CDH13: variants seen among roughly 807,000 people sequenced by gnomAD.
CDH13 encodes the protein cadherin 13, also known as cadherin-13.
A neutral mutation model predicts 63.8 loss-of-function variants in CDH13; 24 were observed. The ratio of observed to expected loss-of-function variants is 0.38; its 90% CI spans 0.27 to 0.53. The LOEUF (loss-of-function observed/expected upper bound fraction) is 0.53. Among genes scored for constraint, CDH13 ranks in the 20% least tolerant of loss-of-function variants. The pLI is 0.85. For synonymous variants in CDH13, 503 were observed against 355.3 expected (o/e 1.42, Z -4.67); for missense variants, 1,049 against 903.1 (o/e 1.16, Z -2.07).
intron 1 of CDH13, among the ~76,000 whole-genome samples, chr16:82,841,450 C>T (rs1295852429): frequency 1.3e-5 from 2 of 152,186 alleles, no homozygotes; most frequent in Non-Finnish European, 2.9e-5. Context: ...TGTAGTTTAG[C>T]AAAGCAGCAG....
chr16:83,183,559 A>C (rs1567486107), intron 4 of CDH13, among the ~76,000 whole-genome samples: 1 of 152,226 alleles, frequency 6.6e-6, no homozygotes, highest in African/African-American at 2.4e-5. Flanking sequence ...ATTTTTCTTC[A>C]CACATTTTTA....
intron 10 of CDH13, among the ~76,000 whole-genome samples, chr16:83,681,543 C>G (rs1348347892): frequency 6.6e-6 from 1 of 152,178 alleles, no homozygotes; most frequent in Non-Finnish European, 1.5e-5. Flanking sequence ...TGGACACCCC[C>G]TTTCCCCTCC....
intron 1 of CDH13, among the ~76,000 whole-genome samples, chr16:82,820,097 A>T (rs565783746): frequency 1.4e-4 from 22 of 152,268 alleles, no homozygotes; most frequent in Admixed American, 1.2e-3. Flanking sequence ...AGCATCTCTT[A>T]GCTCCTTCAT....
intron 4 of CDH13, among the ~76,000 whole-genome samples, chr16:83,213,159 T>G (rs571750912): frequency 8.5e-5 from 13 of 152,264 alleles, no homozygotes; most frequent in African/African-American, 2.9e-4. Flanking sequence ...GCTTCTTTCC[T>G]GGGGAATAAG....
intron 4 of CDH13, among the ~76,000 whole-genome samples, chr16:83,150,349 C>T (rs770175578): frequency 3.3e-5 from 5 of 152,196 alleles, no homozygotes; most frequent in African/African-American, 4.8e-5. Flanking sequence ...ATATCTGTGT[C>T]TATATCTCCC....
At chr16:83,523,477 AAC>A (rs1200044294) in intron 7 of CDH13, among the ~76,000 whole-genome samples, 34 of 152,040 alleles carry the variant, frequency 2.2e-4, no homozygotes, top group African/African-American at 8.2e-4. Flanking sequence ...CTTGAAGAGA[AAC>A]TCACCTCCCA....
At chr16:83,793,745 G>T (rs1376781122) in intron 13 of CDH13, among the ~76,000 whole-genome samples, 1 of 151,904 alleles carries the variant, frequency 6.6e-6, no homozygotes, top group Admixed American at 6.6e-5. Context: ...CTGGGAGGCG[G>T]AGGTTGCAGG....
At chr16:83,091,604 A>T (rs1394129971) in intron 3 of CDH13, among the ~76,000 whole-genome samples, 1 of 152,222 alleles carries the variant, frequency 6.6e-6, no homozygotes, top group Non-Finnish European at 1.5e-5. Context: ...GTCTTGCACA[A>T]ATTATTTTCT....
At chr16:83,606,703 G>A (rs1324406283) in intron 8 of CDH13, among the ~76,000 whole-genome samples, 1 of 147,962 alleles carries the variant, frequency 6.8e-6, no homozygotes, top group Non-Finnish European at 1.5e-5. Flanking sequence ...CTCCAGCCTG[G>A]GTGACAGAAT....
At chr16:83,263,731 C>T (rs931351916) in intron 5 of CDH13, among the ~76,000 whole-genome samples, 11 of 152,202 alleles carry the variant, frequency 7.2e-5, no homozygotes, top group Non-Finnish European at 8.8e-5. Flanking sequence ...ATGAACGGTG[C>T]AGGCAGGGAG....
intron 4 of CDH13, among the ~76,000 whole-genome samples, chr16:83,174,113 G>A (rs2038029127): frequency 6.6e-6 from 1 of 152,074 alleles, no homozygotes; most frequent in Non-Finnish European, 1.5e-5. Flanking sequence ...CTGTCCTGTG[G>A]TATCCCTCTG....
chr16:83,554,737 C>G (rs2075570221), intron 7 of CDH13, among the ~76,000 whole-genome samples: 2 of 152,092 alleles, frequency 1.3e-5, no homozygotes, highest in Admixed American at 6.5e-5. Context: ...ACTGCCTGTC[C>G]AAGTACAGAC....
chr16:83,319,536 C>T (rs777462775), intron 5 of CDH13, among the ~76,000 whole-genome samples: 1 of 152,134 alleles, frequency 6.6e-6, no homozygotes, highest in South Asian at 2.1e-4. Flanking sequence ...TAAATCACGA[C>T]TTTACGATTT....
intron 11 of CDH13, among the ~76,000 whole-genome samples, chr16:83,767,328 T>C (rs1343823883): frequency 6.6e-6 from 1 of 152,170 alleles, no homozygotes; most frequent in Non-Finnish European, 1.5e-5. Context: ...GGGGCAGTTT[T>C]CCCCGTACTG....
intron 2 of CDH13, chr16:82,884,392 G>A (rs1374455156): frequency 2.9e-6 from 1 of 346,222 alleles, no homozygotes. Flanking sequence ...GTAACAAAAT[G>A]AGACTCCTTC....
chr16:83,491,264 T>C (rs572785060), intron 7 of CDH13, among the ~76,000 whole-genome samples: 1 of 152,218 alleles, frequency 6.6e-6, no homozygotes, highest in South Asian at 2.1e-4. Context: ...CTTAAGTGTT[T>C]GGGGAGATGT....
chr16:83,365,502 C>A (rs2091242477), intron 6 of CDH13, among the ~76,000 whole-genome samples: 1 of 152,212 alleles, frequency 6.6e-6, no homozygotes, highest in Non-Finnish European at 1.5e-5. Context: ...AATCATCCAA[C>A]TGTTGTAGGC....
chr16:82,879,146 C>T (rs1404532904), intron 2 of CDH13, among the ~76,000 whole-genome samples: 24 of 152,126 alleles, frequency 1.6e-4, no homozygotes, highest in South Asian at 4.1e-4. Context: ...GACATCACAG[C>T]TCTGGTCCTC....
chr16:83,696,365 G>A (rs901013274), intron 10 of CDH13, among the ~76,000 whole-genome samples: 1 of 152,070 alleles, frequency 6.6e-6, no homozygotes, highest in African/African-American at 2.4e-5. Flanking sequence ...TTTCATCTCT[G>A]TTCCCCATTC....
Sources: allele counts gnomAD v4.1 joint callset (sites outside exome capture counted in the v4.1 genomes callset), GRCh38; gene constraint gnomAD v4.1.1; transcripts MANE v1.5; gene names NCBI Gene and HGNC (gene_info 2026-07-23, HGNC 2026-07-21).